Variants in PIEZO2 observed in about 807,000 individuals in gnomAD.
PIEZO2 encodes piezo type mechanosensitive ion channel component 2, also known as piezo-type mechanosensitive ion channel component 2.
PIEZO2 carries 172 observed loss-of-function variants against 337.3 expected under a neutral mutation model. The observed-to-expected ratio is 0.51, with a 90% CI of 0.45 to 0.58. The LOEUF is 0.58. Ranked by LOEUF, PIEZO2 falls within the 20% of genes least tolerant of loss-of-function variation. PIEZO2 has a pLI of 0.00. For missense variants in PIEZO2, 3,028 were observed against 3,391.3 expected (o/e 0.89, Z 2.66); for synonymous variants, 1,251 against 1,228.5 (o/e 1.02, Z -0.38).
intron 39 of PIEZO2, among the ~76,000 whole-genome samples, chr18:10,714,242 A>G (rs2035926904): frequency 1.3e-5 from 2 of 152,304 alleles, no homozygotes; most frequent in South Asian, 4.1e-4. Flanking sequence ...ACCCATTAGT[A>G]CTGTGTCATC....
intron 2 of PIEZO2, among the ~76,000 whole-genome samples, chr18:11,045,341 A>G (rs1231861507): frequency 6.6e-6 from 1 of 151,324 alleles, no homozygotes; most frequent in African/African-American, 2.4e-5. Context: ...TATTTGATAT[A>G]CATTATTGTT....
At position 10,671,578 on chromosome 18, in the gene PIEZO2, T is replaced by C; in HGVS notation, c.8547A>G (p.Leu2849=). Residue 2849 remains leucine (L), a synonymous_variant, in exon 56 of 56, where the codon CTA becomes CTG. Coordinates refer to ENST00000674853, the MANE Select transcript of PIEZO2 (RefSeq NM_001378183.1). ...TGATCATTGTCTCTGGTGAGCGATATAGGAATATTAATTTGGCATAGAGAT... is the reference window on the plus strand; with the variant it reads ...TGATCATTGTCTCTGGTGAGCGATACAGGAATATTAATTTGGCATAGAGAT... ...EEDLYAKLIF[L]YRSPETMIKW... 1.2e-6 allele frequency: 2 copies of C among 1,613,920 alleles called. No individual in the cohort carries two copies. The highest frequency in any genetic ancestry group is 1.7e-6 in the Non-Finnish European group (2 of 1,179,860).
In PIEZO2 at chr18:11,148,186, T is replaced by G. The variant is rs1447407985; in HGVS notation, c.64+339A>C. Among the ~76,000 whole-genome samples, 5 of 152,124 alleles carry G rather than the reference T, an allele frequency of 3.3e-5. No homozygotes were observed. The East Asian group carries it at 9.7e-4, about 29-fold the overall frequency. ...GCTCAGGTAGGAGCCTGACTGTACC[T>G]ACGATGGGGACGCATCCGCCTTCCA... On this transcript the variant is annotated intron_variant, in intron 1 of 55. Coordinates refer to ENST00000674853, the MANE Select transcript of PIEZO2 (RefSeq NM_001378183.1). The surrounding 1 kb of genome is among the most constrained non-coding windows in gnomAD (Gnocchi z 5.2).
At chr18:11,020,876 G>A (rs1285684789) in intron 2 of PIEZO2, among the ~76,000 whole-genome samples, 1 of 152,150 alleles carries the variant, frequency 6.6e-6, no homozygotes, top group African/African-American at 2.4e-5. Flanking sequence ...TTCACTTAAA[G>A]TTATTTCTTA....
chr18:11,006,238 T>C (rs1259950015), intron 2 of PIEZO2, among the ~76,000 whole-genome samples: 2 of 152,214 alleles, frequency 1.3e-5, no homozygotes, highest in African/African-American at 4.8e-5. Context: ...TTCTCAAATG[T>C]AAGTTTCACA....
chr18:10,677,512 C>T lies in PIEZO2; in HGVS notation c.8081+235G>A. ...GGATTACAGGCATGAGCCACCATGC[C>T]TGGCCCAAACCCTCATTTGGAACAT... is the stretch of plus-strand genomic sequence containing the variant. On this transcript the variant is annotated intron_variant, in intron 53 of 55. Coordinates refer to ENST00000674853, the MANE Select transcript of PIEZO2 (RefSeq NM_001378183.1). The surrounding 1 kb of genome is among the most constrained non-coding windows in gnomAD (Gnocchi z 4.1). 1 of 408,210 alleles carries T rather than the reference C, an allele frequency of 2.4e-6. No individual in the cohort carries two copies. The highest frequency in any genetic ancestry group is 2.7e-5 in the South Asian group (1 of 37,050). 25.3% of individuals were successfully genotyped at this position (408,210 alleles called of 1,614,324 possible).
chr18:10,856,020 C>T lies in PIEZO2; in HGVS notation c.704-454G>A, dbSNP rs1360151962. On this transcript the variant is annotated intron_variant, in intron 6 of 55. Coordinates refer to ENST00000674853, the MANE Select transcript of PIEZO2 (RefSeq NM_001378183.1). The surrounding 1 kb of genome is among the most constrained non-coding windows in gnomAD (Gnocchi z 4.7). ...AACTAGTACATCCTGGCCAATTAAA[C>T]TCTCACTGTGCCATGCTTATTTTAT... Among the ~76,000 whole-genome samples the T allele has an allele frequency of 6.6e-6, 1 of 151,712 alleles. No individual in the cohort carries two copies. The highest frequency in any genetic ancestry group is 1.5e-5 in the Non-Finnish European group (1 of 67,976).
intron 9 of PIEZO2, among the ~76,000 whole-genome samples, chr18:10,802,274 G>A (rs2039850205): frequency 6.6e-6 from 1 of 152,002 alleles, no homozygotes; most frequent in Admixed American, 6.5e-5. Flanking sequence ...ACAGCAAGTG[G>A]TTCTACCACA....
chr18:10,981,438 G>A (rs1412899672), intron 2 of PIEZO2, among the ~76,000 whole-genome samples: 1 of 152,158 alleles, frequency 6.6e-6, no homozygotes, highest in Admixed American at 6.5e-5. Flanking sequence ...ATCAATTAAT[G>A]TAATTCACCG....
rs2039108031 is a variant in PIEZO2, at chr18:10,783,594, C to T, written c.2492+1190G>A. Among the ~76,000 whole-genome samples, 1 of 152,176 alleles carries T rather than the reference C, an allele frequency of 6.6e-6. No homozygotes were observed. Among genetic ancestry groups the T allele is most frequent in the Admixed American group, 6.5e-5 (1 of 15,280 alleles). On this transcript the variant is annotated intron_variant, in intron 17 of 55. Transcript: ENST00000674853. This position sits in a 1 kb window ranked among gnomAD's most constrained non-coding sequence, Gnocchi z 4.3. ...TATGGAGATGGTAAACCACTGACCC[C>T]ATCCATGCCCTCCTCCCTGCTGGGG...
At chr18:10,897,371 T>C (rs919092922) in intron 4 of PIEZO2, among the ~76,000 whole-genome samples, 2 of 152,214 alleles carry the variant, frequency 1.3e-5, no homozygotes, top group Admixed American at 6.5e-5. Flanking sequence ...GTATTTTTAG[T>C]AGAGACGGGA....
At chr18:10,956,326 G>A (rs911526049) in intron 3 of PIEZO2, among the ~76,000 whole-genome samples, 1 of 152,044 alleles carries the variant, frequency 6.6e-6, no homozygotes, top group African/African-American at 2.4e-5. Context: ...AATTTAACCA[G>A]GAGAGGAAAG....
At chr18:10,864,721 C>G (rs2041961750) in intron 5 of PIEZO2, among the ~76,000 whole-genome samples, 1 of 152,164 alleles carries the variant, frequency 6.6e-6, no homozygotes, top group Admixed American at 6.5e-5. Flanking sequence ...TGGCAAAGCC[C>G]CAGAAGGGCA....
At chr18:11,062,615 T>C (rs1368582357) in intron 2 of PIEZO2, among the ~76,000 whole-genome samples, 3 of 152,226 alleles carry the variant, frequency 2.0e-5, no homozygotes, top group Non-Finnish European at 4.4e-5. Flanking sequence ...GAAGAGGCAC[T>C]TCTCAAAAGA....
chr18:10,927,031 G>C (rs1045746737), intron 3 of PIEZO2, among the ~76,000 whole-genome samples: 3 of 152,130 alleles, frequency 2.0e-5, no homozygotes, highest in Non-Finnish European at 4.4e-5. Flanking sequence ...GTTTCACTTA[G>C]TGGCCACAAG....
intron 43 of PIEZO2, 93 bp from the exon 44 acceptor site, chr18:10,699,270 T>C: frequency 6.8e-7 from 1 of 1,475,374 alleles, no homozygotes; most frequent in Non-Finnish European, 9.1e-7. Context: ...CAAACTGTCC[T>C]TCAAGATTAG....
intron 8 of PIEZO2, among the ~76,000 whole-genome samples, chr18:10,804,891 T>G (rs1343384581): frequency 1.3e-5 from 2 of 152,186 alleles, no homozygotes; most frequent in East Asian, 1.9e-4. Context: ...CCCAGCCCAT[T>G]TGAAATAGAG....
In PIEZO2 at chr18:10,863,412, C is replaced by G. The variant is rs1226721583; in HGVS notation, c.493-6201G>C. Among the ~76,000 whole-genome samples, 1 of 152,204 alleles carries G rather than the reference C, an allele frequency of 6.6e-6. No homozygotes were observed. The highest frequency in any genetic ancestry group is 1.5e-5 in the Non-Finnish European group (1 of 68,048). On this transcript the variant is annotated intron_variant, in intron 5 of 55. Coordinates refer to ENST00000674853, the MANE Select transcript of PIEZO2 (RefSeq NM_001378183.1). The surrounding 1 kb of genome is among the most constrained non-coding windows in gnomAD (Gnocchi z 4.3). The stretch of plus-strand genomic sequence containing the variant: ...TTTGGGAAGATTATTCTTCCAAACT[C>G]CTAAGATCAGCTTAAGCAGTCCCTA...
rs143555156 is a variant in PIEZO2 at position 10,894,657 on chromosome 18, C to G, written c.329+16529G>C. On this transcript the variant is annotated intron_variant, in intron 4 of 55. Coordinates refer to ENST00000674853, the MANE Select transcript of PIEZO2 (RefSeq NM_001378183.1). The surrounding 1 kb of genome is among the most constrained non-coding windows in gnomAD (Gnocchi z 4.1). ...GAATCAGGAAAGAAGGGGCGCAAGA[C>G]TCCGGACGTATGCCAACGCATAAAA... 1,617 of 152,406 alleles carry G rather than the reference C, an allele frequency of 0.011. 22 individuals carry two copies. The highest frequency in any genetic ancestry group is 0.034 in the South Asian group (166 of 4,828). 9.4% of individuals were successfully genotyped at this position (152,406 alleles called of 1,614,324 possible). A position where few individuals can be genotyped will look rare whatever the true frequency, so the allele number is the denominator to read the frequency against.
Sources: gnomAD v4.1 joint callset for allele counts (sites outside exome capture counted in the v4.1 genomes callset) on GRCh38, gnomAD v4.1.1 for gene constraint, Gnocchi (gnomAD v3.1) non-coding constraint, MANE v1.5 for transcripts, NCBI Gene and HGNC (gene_info 2026-07-23, HGNC 2026-07-21) for gene names.